The following CEP97 variants were observed in gnomAD, a reference collection of about 807,000 sequenced individuals.
CEP97 encodes the protein centrosomal protein of 97 kDa.
A neutral mutation model predicts 73.1 loss-of-function variants in CEP97; 43 were observed. The observed-to-expected ratio is 0.59, with a 90% CI of 0.46 to 0.76. The LOEUF (loss-of-function observed/expected upper bound fraction) is 0.76, where lower values mean the gene tolerates loss of function less well. Among genes scored for constraint, CEP97 ranks in the 30% least tolerant of loss-of-function variants. The pLI is 0.00. For missense variants in CEP97, 939 were observed against 1,014.0 expected, an observed-to-expected ratio of 0.93 and a Z score of 1.00; for synonymous variants, 337 against 370.0, an observed-to-expected ratio of 0.91 and a Z score of 1.02.
Position 101,764,938 on chromosome 3 carries a change from C to T in CEP97, c.1985C>T (p.Pro662Leu). Residue 662 changes from proline to leucine, a missense_variant, in exon 11 of 11, where the codon CCA becomes CTA. Pro to Leu is a moderately conservative substitution (Grantham distance 98, BLOSUM62 -3). Coordinates refer to ENST00000341893, the MANE Select transcript of CEP97 (RefSeq NM_024548.4). ...CCTCCTATATCAAGTACTCTTGTGC[C>T]ATCGAAACATCCATTATTTACCCAA... ...DVPPISSTLV[P>L]SKHPLFTQSQ... 1 of 1,614,174 alleles carries T rather than the reference C, an allele frequency of 6.2e-7. No individual in the cohort carries two copies. Among genetic ancestry groups the T allele is most frequent in the Non-Finnish European group, 8.5e-7 (1 of 1,180,032 alleles).
intron 7 of CEP97, among the ~76,000 whole-genome samples, chr3:101,756,336 G>GGTGCGCGACACCGTGCCCGACCTATTTGT: frequency 6.6e-6 from 1 of 151,786 alleles, no homozygotes; most frequent in South Asian, 2.1e-4. Flanking sequence ...TGGGATTACA[G>GGTGCGCGACACCGTGCCCGACCTATTTGT]TCATGAGCTA....
In CEP97 at chr3:101,758,225, T is replaced by G; in HGVS notation, c.1619T>G (p.Ile540Ser). 1.9e-6 allele frequency: 3 copies of G among 1,614,184 alleles called. No homozygotes were observed. Among genetic ancestry groups the G allele is most frequent in the Admixed American group, 1.7e-5 (1 of 60,030 alleles). The change falls in exon 9 of 11, where the codon ATT becomes AGT. Residue 540 changes from isoleucine (I) to serine (S), a missense_variant. By Grantham distance (142) the Ile-to-Ser change is moderately radical. Coordinates refer to ENST00000341893, the MANE Select transcript of CEP97 (RefSeq NM_024548.4). ...SQATSEKLPM[I>S]LTQRSVALGQ... ...GCAACTTCAGAGAAACTTCCCATGATTTTAACCCAGAGATCTGTTGCTTTG... is the reference window on the plus strand; with the variant it reads ...GCAACTTCAGAGAAACTTCCCATGAGTTTAACCCAGAGATCTGTTGCTTTG...
intron 6 of CEP97, among the ~76,000 whole-genome samples, chr3:101,744,301 A>AG (rs1560013619): frequency 6.6e-6 from 1 of 151,940 alleles, no homozygotes; most frequent in East Asian, 1.9e-4. Flanking sequence ...GAAAAAAAAA[A>AG]GGGTCAGCAC....
At chr3:101,725,800 CTTAACT>C (rs1560005946) in intron 1 of CEP97, among the ~76,000 whole-genome samples, 1 of 151,972 alleles carries the variant, frequency 6.6e-6, no homozygotes, top group Non-Finnish European at 1.5e-5. Context: ...ACCAGGGCTA[CTTAACT>C]GTTAATAGCA....
At chr3:101,752,005 T>C (rs915009202) in intron 6 of CEP97, among the ~76,000 whole-genome samples, 1 of 152,244 alleles carries the variant, frequency 6.6e-6, no homozygotes, top group African/African-American at 2.4e-5. Context: ...CTTTACAATT[T>C]GGCATGATTT....
chr3:101,726,612 C>T lies in CEP97; in HGVS notation c.62C>T (p.Ser21Leu). The T allele has an allele frequency of 6.3e-7, 1 of 1,592,564 alleles. No individual in the cohort carries two copies. The highest frequency in any genetic ancestry group is 8.5e-7 in the Non-Finnish European group (1 of 1,172,552). Residue 21 changes from serine to leucine, a missense_variant, in exon 2 of 11, where the codon TCA (serine) becomes TTA (leucine). Physicochemically the swap from Ser to Leu is moderately radical, Grantham distance 145 (BLOSUM62 -2). Coordinates refer to ENST00000341893, the MANE Select transcript of CEP97 (RefSeq NM_024548.4). Reference protein sequence around the residue: ...PPGEGSVVNWSGQGLQKLGPN... With the variant: ...PPGEGSVVNWLGQGLQKLGPN... The stretch of plus-strand genomic sequence containing the variant: ...TTTCAAGGATCAGTGGTCAATTGGT[C>T]AGGACAGGGACTACAGAAATTAGGT...
chr3:101,739,923 AC>A (rs1451242412), intron 6 of CEP97, among the ~76,000 whole-genome samples: 1 of 150,348 alleles, frequency 6.7e-6, no homozygotes. Context: ...AAAAATCAGC[AC>A]CCCTTCATGC....
chr3:101,758,144 C>T lies in CEP97; in HGVS notation c.1538C>T (p.Ser513Leu). ...CCTGAGTCAACTGAGCAGAAACAAT[C>T]AGACATAAAGAAACCAGAAAATACA... ...FFPESTEQKQ[S>L]DIKKPENTQP... The change falls in exon 9 of 11, where the codon TCA becomes TTA. Residue 513 changes from serine to leucine, a missense_variant. Physicochemically the swap from Ser to Leu is moderately radical, Grantham distance 145. Coordinates refer to ENST00000341893, the MANE Select transcript of CEP97 (RefSeq NM_024548.4). 6.2e-7 allele frequency: 1 copy of T among 1,614,160 alleles called. No individual in the cohort carries two copies. Among genetic ancestry groups the T allele is most frequent in the South Asian group, 1.1e-5 (1 of 91,084 alleles).
At chr3:101,751,329 C>G (rs543649869) in intron 6 of CEP97, among the ~76,000 whole-genome samples, 1 of 152,290 alleles carries the variant, frequency 6.6e-6, no homozygotes, top group African/African-American at 2.4e-5. Flanking sequence ...AGCTTTACTT[C>G]TAACTGTGTG....
At chr3:101,754,859 TA>T (rs1938959270) in intron 6 of CEP97, among the ~76,000 whole-genome samples, 1 of 152,110 alleles carries the variant, frequency 6.6e-6, no homozygotes, top group African/African-American at 2.4e-5. Flanking sequence ...GTATTTTCTG[TA>T]AATTGGATAT....
chr3:101,759,962 T>G (rs745825753), intron 9 of CEP97, among the ~76,000 whole-genome samples: 3 of 141,646 alleles, frequency 2.1e-5, no homozygotes, highest in South Asian at 4.3e-4. Context: ...ATGAGAGATA[T>G]AGAGTTTGTT....
intron 9 of CEP97, among the ~76,000 whole-genome samples, 185 bp from the exon 10 acceptor site, chr3:101,762,300 C>G (rs1048959204): frequency 1.3e-5 from 2 of 151,944 alleles, no homozygotes; most frequent in African/African-American, 4.8e-5. Flanking sequence ...TAAAACTGTT[C>G]CATTTTGATT....
At chr3:101,738,504 G>A (rs1429237521) in intron 6 of CEP97, among the ~76,000 whole-genome samples, 1 of 152,196 alleles carries the variant, frequency 6.6e-6, no homozygotes, top group Non-Finnish European at 1.5e-5. Context: ...TCAGACCACA[G>A]TGCAATCAAA....
chr3:101,759,701 T>C (rs1176841606), intron 9 of CEP97, among the ~76,000 whole-genome samples: 1 of 152,170 alleles, frequency 6.6e-6, no homozygotes, highest in Non-Finnish European at 1.5e-5. Context: ...CTTTGCAATG[T>C]ACAGTGTTTG....
At position 101,765,188 on chromosome 3, in the gene CEP97, A is replaced by G. The variant is rs367619625; in HGVS notation, c.2235A>G (p.Glu745=). The G allele has an allele frequency of 1.2e-6, 2 of 1,614,114 alleles. No individual in the cohort carries two copies. The highest frequency in any genetic ancestry group is 1.7e-5 in the Admixed American group (1 of 60,008). The change falls in exon 11 of 11, where the codon GAA becomes GAG. Residue 745 remains glutamate, a synonymous_variant. Coordinates refer to ENST00000341893, the MANE Select transcript of CEP97 (RefSeq NM_024548.4). The part of the protein sequence containing the change: ...NSIDTVRYGK[E]SDLGDVSEEH... The stretch of plus-strand genomic sequence containing the variant: ...TTGACACAGTCAGATATGGCAAAGA[A>G]TCAGATTTAGGGGATGTTAGTGAAG...
chr3:101,753,733 C>T (rs1386427953), intron 6 of CEP97, among the ~76,000 whole-genome samples: 1 of 152,222 alleles, frequency 6.6e-6, no homozygotes, highest in African/African-American at 2.4e-5. Flanking sequence ...TCTCCTGGTG[C>T]ACCGTTTTTT....
intron 10 of CEP97, among the ~76,000 whole-genome samples, chr3:101,763,915 G>A (rs200221586): frequency 2.2e-4 from 16 of 72,568 alleles, no homozygotes; most frequent in South Asian, 1.0e-3. Context: ...GTGCTGTTGC[G>A]CATTATTGAC....
chr3:101,729,956 C>T (rs944990775), intron 4 of CEP97, among the ~76,000 whole-genome samples: 1 of 151,972 alleles, frequency 6.6e-6, no homozygotes, highest in East Asian at 1.9e-4. Context: ...AGGCGCCCAC[C>T]ACCACACCTG....
At chr3:101,746,433 T>C (rs1428611786) in intron 6 of CEP97, among the ~76,000 whole-genome samples, 1 of 150,988 alleles carries the variant, frequency 6.6e-6, no homozygotes. Context: ...GGGGAAAGGA[T>C]TCCCTATTTA....
Sources: allele counts gnomAD v4.1 joint callset (sites outside exome capture counted in the v4.1 genomes callset), GRCh38; gene constraint gnomAD v4.1.1; transcripts MANE v1.5; gene names NCBI Gene and HGNC (gene_info 2026-07-23, HGNC 2026-07-21).